Variants in CCDC91 observed in about 807,000 individuals in gnomAD.
CCDC91 encodes the protein coiled-coil domain-containing protein 91.
In CCDC91, 48 loss-of-function variants were observed where a neutral mutation model predicts 63.2. That is an observed-to-expected ratio of 0.76 (90% CI 0.60 to 0.97). The LOEUF is 0.97. CCDC91 is among the 50% of genes least tolerant of loss of function. CCDC91 has a pLI of 0.00. For synonymous variants in CCDC91, 167 were observed against 165.8 expected, an observed-to-expected ratio of 1.01 and a Z score of -0.06; for missense variants, 500 against 494.6, an observed-to-expected ratio of 1.01 and a Z score of -0.10.
At chr12:28,216,993 G>A (rs1343281094) in intron 1 of CCDC91, among the ~76,000 whole-genome samples, 2 of 151,984 alleles carry the variant, frequency 1.3e-5, no homozygotes, top group African/African-American at 4.8e-5. Flanking sequence ...ACTAGTATAT[G>A]GATAAAGGAA....
intron 8 of CCDC91, among the ~76,000 whole-genome samples, chr12:28,427,508 G>A (rs1469510886): frequency 2.0e-5 from 3 of 151,752 alleles, no homozygotes; most frequent in Admixed American, 6.6e-5. Flanking sequence ...CACCACCATC[G>A]CAAAGCCTTC....
intron 1 of CCDC91, among the ~76,000 whole-genome samples, chr12:28,253,195 T>A (rs1210320006): frequency 1.3e-5 from 2 of 152,204 alleles, no homozygotes; most frequent in East Asian, 1.9e-4. Context: ...TCTGATAAGG[T>A]CCTTTTCATG....
intron 1 of CCDC91, among the ~76,000 whole-genome samples, chr12:28,219,288 G>A (rs1400814690): frequency 1.3e-5 from 2 of 151,806 alleles, no homozygotes; most frequent in Non-Finnish European, 2.9e-5. Flanking sequence ...AAAAAATTAG[G>A]TTATCTTATT....
At position 28,190,470 on chromosome 12, in the gene CCDC91, C is replaced by G. The variant is rs116997928; in HGVS notation, c.-186C>G. The G allele has an allele frequency of 0.025, 3,794 of 152,922 alleles. 79 individuals carry two copies. The highest frequency in any genetic ancestry group is 0.042 in the South Asian group (202 of 4,854). 9.5% of individuals were successfully genotyped at this position (152,922 alleles called of 1,614,324 possible). The stretch of plus-strand genomic sequence containing the variant: ...CTTCCGGGGGCAGAGGTGTTCGAAG[C>G]CGGGTGGTGCGTGGGCTACCCCAAC... On this transcript the variant is annotated 5_prime_UTR_variant, in exon 1 of 13. Coordinates refer to ENST00000536442, the MANE Select transcript of CCDC91 (RefSeq NM_018318.5).
rs1203899633 is a variant in CCDC91 at position 28,413,930 on chromosome 12, T to C, written c.762+22519T>C. Among the ~76,000 whole-genome samples the C allele has an allele frequency of 2.0e-5, 3 of 152,334 alleles. No homozygotes were observed. In the East Asian group the frequency reaches 5.8e-4, roughly 29 times the overall value. On this transcript the variant is annotated intron_variant, in intron 8 of 12. Transcript: ENST00000536442. ...TTCACTTTCTGATGAATACGGTACA[T>C]GTCCTTTCTCTACGATCTCTTTCCC... is the stretch of plus-strand genomic sequence containing the variant.
intron 3 of CCDC91, among the ~76,000 whole-genome samples, chr12:28,264,585 CTGTGTGTGTGTGTGTGTG>C (rs34854850): frequency 1.5e-5 from 2 of 137,256 alleles, no homozygotes; most frequent in African/African-American, 2.8e-5. Flanking sequence ...ATATGTCTGT[CTGTGTGTGTGTGTGTGTG>C]TGTGTGTGTG....
intron 12 of CCDC91, among the ~76,000 whole-genome samples, chr12:28,500,246 C>G (rs1176638886): frequency 6.6e-6 from 1 of 151,268 alleles, no homozygotes; most frequent in Non-Finnish European, 1.5e-5. Flanking sequence ...GATATTAGCC[C>G]TTTGTCAGAT....
At chr12:28,387,755 T>C in intron 7 of CCDC91, among the ~76,000 whole-genome samples, 1 of 152,224 alleles carries the variant, frequency 6.6e-6, no homozygotes, top group East Asian at 1.9e-4. Flanking sequence ...TTCCATCATA[T>C]ATTTATACCG....
intron 8 of CCDC91, among the ~76,000 whole-genome samples, chr12:28,414,659 C>T (rs1470811161): frequency 6.6e-6 from 1 of 152,150 alleles, no homozygotes; most frequent in African/African-American, 2.4e-5. Flanking sequence ...TCAGTCATTA[C>T]ATTTCCAGAT....
chr12:28,315,634 A>G (rs1297633917), intron 6 of CCDC91, among the ~76,000 whole-genome samples: 2 of 151,970 alleles, frequency 1.3e-5, no homozygotes, highest in African/African-American at 4.8e-5. Context: ...TATACTTTCC[A>G]GGAAAGTTTC....
At chr12:28,291,187 T>C (rs1394767336) in intron 3 of CCDC91, among the ~76,000 whole-genome samples, 1 of 152,234 alleles carries the variant, frequency 6.6e-6, no homozygotes, top group Non-Finnish European at 1.5e-5. Context: ...GCTTCAGGAT[T>C]CAGTAACCTC....
rs116202611 is a variant in CCDC91, at chr12:28,331,830, A to G, written c.576+24081A>G. Among the ~76,000 whole-genome samples the G allele has an allele frequency of 3.2e-3, 484 of 152,270 alleles. 6 individuals are homozygous for G. The highest frequency in any genetic ancestry group is 0.011 in the African/African-American group (451 of 41,562). ...ACCAGCTGAGCTCCTAGTTTTTTCT[A>G]GGAATAGATTATGAAATACGTAAAA... On this transcript the variant is annotated intron_variant, in intron 6 of 12. Coordinates refer to ENST00000536442, the MANE Select transcript of CCDC91 (RefSeq NM_018318.5).
intron 8 of CCDC91, among the ~76,000 whole-genome samples, chr12:28,393,525 G>A (rs952474989): frequency 6.6e-6 from 1 of 151,980 alleles, no homozygotes; most frequent in Non-Finnish European, 1.5e-5. Flanking sequence ...AAACTAGGGT[G>A]GAAGAAATCT....
At chr12:28,352,835 GGTAA>G (rs746582052) in intron 6 of CCDC91, among the ~76,000 whole-genome samples, 4 of 152,196 alleles carry the variant, frequency 2.6e-5, no homozygotes, top group Non-Finnish European at 5.9e-5. Flanking sequence ...TTTTGTAGAT[GGTAA>G]GTGAGCATTG....
chr12:28,286,311 C>T (rs1288841327), intron 3 of CCDC91, among the ~76,000 whole-genome samples: 1 of 151,896 alleles, frequency 6.6e-6, no homozygotes, highest in East Asian at 1.9e-4. Flanking sequence ...ATTTCATCAC[C>T]CAGATATTAA....
chr12:28,401,561 G>A (rs1334087420), intron 8 of CCDC91, among the ~76,000 whole-genome samples: 1 of 152,124 alleles, frequency 6.6e-6, no homozygotes, highest in East Asian at 1.9e-4. Flanking sequence ...AAGAGAATAA[G>A]TGCTGAGGGA....
intron 7 of CCDC91, among the ~76,000 whole-genome samples, chr12:28,363,893 A>G (rs1050379338): frequency 4.0e-5 from 6 of 149,644 alleles, no homozygotes; most frequent in South Asian, 2.1e-4. Context: ...AAAAAAAAAA[A>G]AAAAAGAAAA....
intron 6 of CCDC91, among the ~76,000 whole-genome samples, chr12:28,308,093 T>A (rs1394584191): frequency 1.3e-5 from 2 of 152,026 alleles, no homozygotes; most frequent in African/African-American, 4.8e-5. Flanking sequence ...GACACTTAAC[T>A]TTTTTAAATA....
chr12:28,341,343 A>G (rs1435660692), intron 6 of CCDC91, among the ~76,000 whole-genome samples: 1 of 152,076 alleles, frequency 6.6e-6, no homozygotes, highest in African/African-American at 2.4e-5. Flanking sequence ...CTGGGGGTGG[A>G]GCCCTAGCCA....
Sources: gnomAD v4.1 joint callset for allele counts (sites outside exome capture counted in the v4.1 genomes callset) on GRCh38, gnomAD v4.1.1 for gene constraint, MANE v1.5 for transcripts, NCBI Gene and HGNC (gene_info 2026-07-23, HGNC 2026-07-21) for gene names.